COPG2: variants seen among roughly 807,000 people sequenced by gnomAD.
COPG2 encodes coatomer subunit gamma-2.
In COPG2, 37 loss-of-function variants were observed where a neutral mutation model predicts 46.3. The ratio of observed to expected loss-of-function variants is 0.80; its 90% CI spans 0.61 to 1.05. COPG2 has a LOEUF of 1.05. Among genes scored for constraint, COPG2 ranks in the 50% least tolerant of loss-of-function variants. COPG2 has a pLI of 0.00. For synonymous variants in COPG2, 159 were observed against 129.7 expected, an observed-to-expected ratio of 1.23 and a Z score of -1.53; for missense variants, 427 against 387.8, an observed-to-expected ratio of 1.10 and a Z score of -0.85.
At chr7:130,603,751 C>T (rs1047420293) in intron 9 of COPG2, 36 of 364,652 alleles carry the variant, frequency 9.9e-5, no homozygotes, top group East Asian at 3.9e-4. Flanking sequence ...AAAAAATTTG[C>T]GGCAATTATG....
intron 9 of COPG2, among the ~76,000 whole-genome samples, chr7:130,568,111 C>T (rs1442100530): frequency 6.6e-6 from 1 of 152,058 alleles, no homozygotes; most frequent in Non-Finnish European, 1.5e-5. Flanking sequence ...CCTGTCTCTA[C>T]TAAAAATACA....
At chr7:130,622,107 C>T (rs992828402) in intron 5 of COPG2, among the ~76,000 whole-genome samples, 5 of 151,960 alleles carry the variant, frequency 3.3e-5, no homozygotes, top group African/African-American at 1.2e-4. Context: ...GGTGTTCAGA[C>T]GGTGAAGTGA....
intron 12 of COPG2, among the ~76,000 whole-genome samples, chr7:130,557,522 T>C (rs1179433654): frequency 6.6e-6 from 1 of 152,066 alleles, no homozygotes; most frequent in Non-Finnish European, 1.5e-5. Context: ...AAAATAAACA[T>C]GTGGCTGGGC....
At chr7:130,636,294 A>T (rs1421239259) in intron 5 of COPG2, among the ~76,000 whole-genome samples, 1 of 152,128 alleles carries the variant, frequency 6.6e-6, no homozygotes, top group Non-Finnish European at 1.5e-5. Flanking sequence ...TCTAATACTG[A>T]CAGTGGGGTG....
intron 5 of COPG2, among the ~76,000 whole-genome samples, chr7:130,652,242 C>T (rs537865834): frequency 6.6e-6 from 1 of 152,258 alleles, no homozygotes; most frequent in South Asian, 2.1e-4. Context: ...TGTGGCCTTA[C>T]TAGGTCAAAG....
Position 130,663,360 on chromosome 7 carries a change from A to G in COPG2, c.172-322T>C, listed in dbSNP as rs189046419. ...AGTTTACAAGGAGGGAGAAAATTACAGCACTCACAATAGGACATTATTATT... is the reference window on the plus strand; with the variant it reads ...AGTTTACAAGGAGGGAGAAAATTACGGCACTCACAATAGGACATTATTATT... On this transcript the variant is annotated intron_variant, in intron 3 of 23. Transcript: ENST00000425248. Among the ~76,000 whole-genome samples the G allele has an allele frequency of 3.7e-3, 558 of 152,354 alleles. 2 individuals are homozygous for G. The highest frequency in any genetic ancestry group is 5.5e-3 in the Non-Finnish European group (374 of 68,040).
At chr7:130,577,303 G>A (rs1794018820) in intron 9 of COPG2, among the ~76,000 whole-genome samples, 1 of 152,252 alleles carries the variant, frequency 6.6e-6, no homozygotes, top group Non-Finnish European at 1.5e-5. Flanking sequence ...GCGCAGGTCA[G>A]TGGGTGCACG....
chr7:130,622,025 T>C (rs782744900), intron 5 of COPG2, among the ~76,000 whole-genome samples: 3 of 151,774 alleles, frequency 2.0e-5, no homozygotes, highest in African/African-American at 4.8e-5. Context: ...TGTCAACCCA[T>C]GTTCTATACC....
At chr7:130,654,958 T>C (rs916952813) in intron 4 of COPG2, among the ~76,000 whole-genome samples, 3 of 152,152 alleles carry the variant, frequency 2.0e-5, no homozygotes, top group Non-Finnish European at 4.4e-5. Flanking sequence ...GATCTCTTTG[T>C]ATCTCTCCTA....
intron 20 of COPG2, among the ~76,000 whole-genome samples, chr7:130,533,952 G>A (rs1799853660): frequency 9.3e-6 from 1 of 107,614 alleles, no homozygotes; most frequent in Non-Finnish European, 1.7e-5. Context: ...GGGCGTAAGA[G>A]GAGAAATAAC....
intron 12 of COPG2, 80 bp from the exon 13 acceptor site, chr7:130,555,212 C>T (rs904551338): frequency 9.9e-4 from 387 of 392,854 alleles, no homozygotes; most frequent in African/African-American, 7.2e-3. Context: ...AAAAGACATT[C>T]ATCTTTATAA....
intron 6 of COPG2, among the ~76,000 whole-genome samples, chr7:130,616,027 A>G (rs532887451): frequency 3.3e-5 from 5 of 152,360 alleles, no homozygotes; most frequent in South Asian, 4.1e-4. Context: ...AAAAATTTGG[A>G]TAAGTTTTAT....
intron 5 of COPG2, among the ~76,000 whole-genome samples, chr7:130,639,972 C>T (rs782385715): frequency 7.2e-5 from 11 of 151,986 alleles, no homozygotes; most frequent in Non-Finnish European, 1.5e-4. Context: ...ACCCAACAGC[C>T]GTCCCTTTTC....
chr7:130,543,336 G>A (rs1793374764), intron 20 of COPG2, among the ~76,000 whole-genome samples: 1 of 152,206 alleles, frequency 6.6e-6, no homozygotes, highest in Non-Finnish European at 1.5e-5. Flanking sequence ...GGTGGGTATT[G>A]TTGCCCCTTG....
chr7:130,647,832 G>C (rs1348373536), intron 5 of COPG2, among the ~76,000 whole-genome samples: 1 of 151,478 alleles, frequency 6.6e-6, no homozygotes, highest in Non-Finnish European at 1.5e-5. Context: ...CCGGGTTCAA[G>C]CAATTCTCCT....
intron 5 of COPG2, among the ~76,000 whole-genome samples, chr7:130,643,220 G>A (rs978073219): frequency 1.6e-4 from 25 of 151,740 alleles, no homozygotes; most frequent in Non-Finnish European, 2.9e-4. Context: ...GCATGAACCC[G>A]GGAGGCGGAG....
chr7:130,572,378 TA>T (rs1793921488), intron 9 of COPG2, among the ~76,000 whole-genome samples: 1 of 152,126 alleles, frequency 6.6e-6, no homozygotes, highest in Non-Finnish European at 1.5e-5. Context: ...GCTAACTGAT[TA>T]TAGAAAACAT....
intron 9 of COPG2, among the ~76,000 whole-genome samples, chr7:130,588,413 T>C (rs2116454598): frequency 6.6e-6 from 1 of 151,936 alleles, no homozygotes; most frequent in African/African-American, 2.4e-5. Context: ...CCAACAATGA[T>C]AGACCGGATT....
intron 1 of COPG2, 111 bp downstream of exon 1, chr7:130,668,521 T>C: frequency 3.1e-6 from 3 of 975,790 alleles, no homozygotes; most frequent in Admixed American, 4.2e-5. Flanking sequence ...TCCGGCCCCC[T>C]GGCACGGCGG....
Sources: allele counts gnomAD v4.1 joint callset (sites outside exome capture counted in the v4.1 genomes callset), GRCh38; gene constraint gnomAD v4.1.1; transcripts MANE v1.5; gene names NCBI Gene and HGNC (gene_info 2026-07-23, HGNC 2026-07-21).